PLS1: variants seen among roughly 807,000 people sequenced by gnomAD.
PLS1 encodes plastin 1.
In PLS1, 32 loss-of-function variants were observed where a neutral mutation model predicts 73.7. The ratio of observed to expected loss-of-function variants is 0.43; its 90% CI spans 0.33 to 0.58. The LOEUF is 0.58. Ranked by LOEUF, PLS1 falls within the 20% of genes least tolerant of loss-of-function variation. PLS1 has a pLI of 0.04. For synonymous variants in PLS1, 217 were observed against 261.3 expected (o/e 0.83, Z 1.63); for missense variants, 633 against 740.5 (o/e 0.85, Z 1.68).
At chr3:142,678,320 G>A (rs2037767183) in intron 6 of PLS1, among the ~76,000 whole-genome samples, 1 of 149,166 alleles carries the variant, frequency 6.7e-6, no homozygotes. Flanking sequence ...TGTGCACAAT[G>A]TGCAGGTTAG....
chr3:142,662,852 G>T (rs1280564893), intron 1 of PLS1, among the ~76,000 whole-genome samples: 1 of 152,136 alleles, frequency 6.6e-6, no homozygotes, highest in African/African-American at 2.4e-5. Flanking sequence ...CAACAAAAAG[G>T]TTATAATATT....
intron 10 of PLS1, among the ~76,000 whole-genome samples, chr3:142,691,224 A>G (rs2038079068): frequency 6.6e-6 from 1 of 152,104 alleles, no homozygotes; most frequent in African/African-American, 2.4e-5. Flanking sequence ...AATATGAGTA[A>G]TTCATTCTTC....
chr3:142,600,916 A>T (rs9840257), intron 1 of PLS1, among the ~76,000 whole-genome samples: 1,463 of 14,836 alleles, frequency 0.099, 237 homozygotes, highest in African/African-American at 0.29. Flanking sequence ...ATATATATAT[A>T]TTTTTTTTTT....
At chr3:142,671,755 A>G (rs1388203045) in intron 4 of PLS1, among the ~76,000 whole-genome samples, 1 of 152,168 alleles carries the variant, frequency 6.6e-6, no homozygotes, top group Non-Finnish European at 1.5e-5. Flanking sequence ...CTTTTTATTT[A>G]TATGAACATA....
intron 4 of PLS1, among the ~76,000 whole-genome samples, chr3:142,674,705 T>C (rs2037682636): frequency 6.6e-6 from 1 of 152,132 alleles, no homozygotes; most frequent in African/African-American, 2.4e-5. Context: ...AGTGCTGGTA[T>C]CTAGATTTGT....
chr3:142,646,417 A>T (rs1307202932), intron 1 of PLS1, among the ~76,000 whole-genome samples: 1 of 152,260 alleles, frequency 6.6e-6, no homozygotes, highest in Non-Finnish European at 1.5e-5. Context: ...TTAGGACGGC[A>T]TGCTTGCATT....
At chr3:142,633,205 G>A (rs1410918257) in intron 1 of PLS1, among the ~76,000 whole-genome samples, 1 of 152,164 alleles carries the variant, frequency 6.6e-6, no homozygotes, top group African/African-American at 2.4e-5. Context: ...AAATTAGAAG[G>A]GATTGCCAGA....
At position 142,669,451 on chromosome 3, in the gene PLS1, C is replaced by A. The variant is rs753381485; in HGVS notation, c.132C>A (p.Ser44Arg). The A allele has an allele frequency of 1.2e-6, 2 of 1,609,234 alleles. No individual in the cohort carries two copies. Among genetic ancestry groups the A allele is most frequent in the East Asian group, 2.2e-5 (1 of 44,840 alleles). ...TTCAAGACCTGTTTAAGGAAGCAAG[C>A]CTTCCTCTGCCTGGCTACAAGGTGC... ...YELQDLFKEA[S>R]LPLPGYKVRE... The change falls in exon 3 of 16, where the codon AGC (serine) becomes AGA (arginine). Residue 44 changes from serine to arginine, a missense_variant. By Grantham distance (110) the Ser-to-Arg change is moderately radical. Coordinates refer to ENST00000457734, the MANE Select transcript of PLS1 (RefSeq NM_001145319.2).
At chr3:142,709,270 C>T (rs1352237489) in intron 14 of PLS1, among the ~76,000 whole-genome samples, 1 of 152,282 alleles carries the variant, frequency 6.6e-6, no homozygotes, top group East Asian at 1.9e-4. Flanking sequence ...AAATACCCCA[C>T]ATGATTTTCA....
At chr3:142,692,266 C>T (rs966673523) in intron 10 of PLS1, among the ~76,000 whole-genome samples, 26 of 152,046 alleles carry the variant, frequency 1.7e-4, no homozygotes, top group African/African-American at 5.5e-4. Context: ...TATTTGTAGA[C>T]GTCAAATTGA....
At chr3:142,605,874 A>C (rs1267445367) in intron 1 of PLS1, among the ~76,000 whole-genome samples, 1 of 152,222 alleles carries the variant, frequency 6.6e-6, no homozygotes, top group African/African-American at 2.4e-5. Context: ...CTGCTAATGT[A>C]CATCTGGAAT....
At chr3:142,689,895 T>A in intron 10 of PLS1, 82 bp downstream of exon 10, 1 of 898,924 alleles carries the variant, frequency 1.1e-6, no homozygotes, top group African/African-American at 1.7e-5. Context: ...AGATAGGGGA[T>A]TGTGGTGGGA....
In PLS1 at chr3:142,603,859, A is replaced by G. The variant is rs770625495; in HGVS notation, c.-37+7350A>G. ...CTTCAAAAGATCCAAGCTGACCACA[A>G]AAAAAAAGGAGAAACTGTCTTTTCT... On this transcript the variant is annotated intron_variant, in intron 1 of 15. Coordinates refer to ENST00000457734, the MANE Select transcript of PLS1 (RefSeq NM_001145319.2). 6.6e-5 allele frequency among the ~76,000 whole-genome samples: 10 copies of G among 151,788 alleles called. No homozygotes were observed. The East Asian group carries it at 1.7e-3, about 26-fold the overall frequency.
chr3:142,679,286 C>G (rs1371028814), intron 6 of PLS1, among the ~76,000 whole-genome samples: 1 of 150,986 alleles, frequency 6.6e-6, no homozygotes, highest in Non-Finnish European at 1.5e-5. Context: ...AATTAGATCC[C>G]ATTTGTCAAT....
chr3:142,625,854 G>T (rs1041542873), intron 1 of PLS1, among the ~76,000 whole-genome samples: 2 of 152,010 alleles, frequency 1.3e-5, no homozygotes, highest in Admixed American at 1.3e-4. Context: ...TACGCCTGTA[G>T]TCCCAGCTAC....
chr3:142,616,744 A>G (rs2036222855), intron 1 of PLS1, among the ~76,000 whole-genome samples: 1 of 152,206 alleles, frequency 6.6e-6, no homozygotes, highest in Non-Finnish European at 1.5e-5. Context: ...CTGGGATTAC[A>G]GGCACCCGCC....
chr3:142,599,655 G>A (rs2035880372), intron 1 of PLS1, among the ~76,000 whole-genome samples: 2 of 152,138 alleles, frequency 1.3e-5, no homozygotes, highest in African/African-American at 4.8e-5. Flanking sequence ...GCTAGTTAGT[G>A]GGATAGCCAG....
chr3:142,673,340 CT>C (rs1401092196), intron 4 of PLS1, among the ~76,000 whole-genome samples: 1 of 152,080 alleles, frequency 6.6e-6, no homozygotes, highest in Non-Finnish European at 1.5e-5. Flanking sequence ...CCCTTCATTC[CT>C]TTTTATTGCT....
rs143292387 is a variant in PLS1, at chr3:142,630,537, T to C, written c.-36-33665T>C. Among the ~76,000 whole-genome samples, 977 of 151,400 alleles carry C rather than the reference T, an allele frequency of 6.5e-3. 13 individuals are homozygous for C. The highest frequency in any genetic ancestry group is 0.023 in the African/African-American group (938 of 41,226). On this transcript the variant is annotated intron_variant, in intron 1 of 15. Transcript: ENST00000457734. Reference sequence around the variant, plus strand: ...GGAGGCCGAGGTGGGCAGATCATGATGTCAGGAGTTCGAGACCAGCCTGGC... The same window carrying C: ...GGAGGCCGAGGTGGGCAGATCATGACGTCAGGAGTTCGAGACCAGCCTGGC...
Sources: allele counts gnomAD v4.1 joint callset (sites outside exome capture counted in the v4.1 genomes callset), GRCh38; gene constraint gnomAD v4.1.1; transcripts MANE v1.5; gene names NCBI Gene and HGNC (gene_info 2026-07-23, HGNC 2026-07-21).